The following GALNT17 variants were observed in gnomAD, a reference collection of about 807,000 sequenced individuals.
GALNT17 encodes polypeptide N-acetylgalactosaminyltransferase 17, also known as UDP-GalNAc:polypeptide N-acetylgalactosaminyltransferase-like 3.
Under a neutral mutation model 63.7 loss-of-function variants are expected in GALNT17, and 29 were observed. The ratio of observed to expected loss-of-function variants is 0.46; its 90% confidence interval spans 0.34 to 0.62. GALNT17 has a LOEUF of 0.62. Ranked by LOEUF, GALNT17 falls within the 20% of genes least tolerant of loss-of-function variation. The pLI is 0.01. For missense variants in GALNT17, 603 were observed against 799.6 expected (o/e 0.75, Z 2.97); for synonymous variants, 305 against 318.3 (o/e 0.96, Z 0.45).
intron 5 of GALNT17, among the ~76,000 whole-genome samples, chr7:71,512,045 A>C (rs1584015627): frequency 3.3e-5 from 4 of 120,834 alleles, no homozygotes; most frequent in Admixed American, 2.9e-4. Flanking sequence ...ACAGAGTTTC[A>C]CTCTTGTTAA....
chr7:71,616,714 TATA>T (rs1209023316), intron 6 of GALNT17, among the ~76,000 whole-genome samples: 1 of 110,764 alleles, frequency 9.0e-6, no homozygotes, highest in Non-Finnish European at 1.8e-5. Flanking sequence ...GATTGATGTA[TATA>T]ATATATAATT....
intron 3 of GALNT17, among the ~76,000 whole-genome samples, chr7:71,397,207 C>A (rs142805638): frequency 4.2e-4 from 64 of 152,116 alleles, no homozygotes; most frequent in African/African-American, 1.5e-3. Flanking sequence ...ACCCATATAC[C>A]TTCCTAAGGG....
chr7:71,675,638 G>T (rs1205599517), intron 8 of GALNT17, among the ~76,000 whole-genome samples: 1 of 151,682 alleles, frequency 6.6e-6, no homozygotes, highest in Non-Finnish European at 1.5e-5. Flanking sequence ...GAAAAAGAAA[G>T]AATTTAAAAA....
intron 2 of GALNT17, 134 bp downstream of exon 2, chr7:71,335,867 T>G: frequency 1.3e-6 from 1 of 754,930 alleles, no homozygotes; most frequent in East Asian, 3.2e-5. Flanking sequence ...CTTTAATAAA[T>G]AAACTTAGTA....
intron 1 of GALNT17, among the ~76,000 whole-genome samples, chr7:71,201,159 A>G (rs1789159478): frequency 6.6e-6 from 1 of 150,810 alleles, no homozygotes; most frequent in African/African-American, 2.4e-5. Context: ...GGCTTATTAA[A>G]GGAGTTCTGT....
At chr7:71,706,475 A>G (rs1791723704) in intron 9 of GALNT17, among the ~76,000 whole-genome samples, 1 of 152,212 alleles carries the variant, frequency 6.6e-6, no homozygotes, top group Admixed American at 6.5e-5. Flanking sequence ...CTGCTGGATA[A>G]TAGATTGATT....
At chr7:71,572,310 T>C (rs1225964148) in intron 6 of GALNT17, among the ~76,000 whole-genome samples, 1 of 151,030 alleles carries the variant, frequency 6.6e-6, no homozygotes, top group Admixed American at 6.6e-5. Context: ...AAAACCAGCC[T>C]GGGTGACATA....
chr7:71,222,464 G>C (rs1253510959), intron 1 of GALNT17, among the ~76,000 whole-genome samples: 1 of 151,820 alleles, frequency 6.6e-6, no homozygotes, highest in Admixed American at 6.6e-5. Flanking sequence ...GCTAATTTTT[G>C]TATTTTTAGT....
At chr7:71,311,138 C>T (rs1791407809) in intron 1 of GALNT17, among the ~76,000 whole-genome samples, 1 of 152,196 alleles carries the variant, frequency 6.6e-6, no homozygotes, top group African/African-American at 2.4e-5. Context: ...AGGAGAAGCT[C>T]CTTGACAATA....
At chr7:71,679,723 C>G (rs1584132139) in intron 9 of GALNT17, among the ~76,000 whole-genome samples, 1 of 151,868 alleles carries the variant, frequency 6.6e-6, no homozygotes. Flanking sequence ...CCTAAGGAGG[C>G]CTGCACCAAG....
chr7:71,235,700 C>T (rs62457807), intron 1 of GALNT17, among the ~76,000 whole-genome samples: 2,719 of 152,298 alleles, frequency 0.018, 38 homozygotes, highest in Middle Eastern at 0.027. Flanking sequence ...TTGCACCAAA[C>T]GAAAGCAAAC....
intron 6 of GALNT17, among the ~76,000 whole-genome samples, chr7:71,577,206 T>C (rs905364787): frequency 1.4e-4 from 22 of 152,126 alleles, no homozygotes; most frequent in African/African-American, 5.3e-4. Flanking sequence ...CACCAGGGAC[T>C]ACTAGAGTGG....
rs78723312 is a variant in GALNT17, at chr7:71,508,348, A to T, written c.963-62937A>T. On this transcript the variant is annotated intron_variant, in intron 5 of 10. Transcript: ENST00000333538. ...ATCTAAGCTTTGGCAGCTTGGAAAT[A>T]TTAGAGCAATTTGGCATCCAGATTC... Among the ~76,000 whole-genome samples, 47 of 152,330 alleles carry T rather than the reference A, an allele frequency of 3.1e-4. No individual in the cohort carries two copies. In the East Asian group the frequency reaches 8.9e-3, roughly 29 times the overall value.
chr7:71,333,132 T>G (rs1429307810), intron 1 of GALNT17, among the ~76,000 whole-genome samples: 1 of 152,208 alleles, frequency 6.6e-6, no homozygotes, highest in African/African-American at 2.4e-5. Flanking sequence ...GCTATACATA[T>G]TAACAGTCAC....
chr7:71,664,888 C>G (rs1236434919), intron 6 of GALNT17, among the ~76,000 whole-genome samples: 1 of 152,160 alleles, frequency 6.6e-6, no homozygotes, highest in Non-Finnish European at 1.5e-5. Flanking sequence ...AGAATTCTCC[C>G]AAGCCTCTTT....
rs186879889 is a variant in GALNT17, at chr7:71,254,488, C to T, written c.239-81062C>T. Among the ~76,000 whole-genome samples, 90 of 152,284 alleles carry T rather than the reference C, an allele frequency of 5.9e-4. 2 individuals carry two copies. Among genetic ancestry groups the T allele is most frequent in the Non-Finnish European group, 1.1e-3 (73 of 68,028 alleles). ...AAAATACTTGGATTTCTTTCAGGGC[C>T]TCCCATCTATCATGTTGGTATCTTA... On this transcript the variant is annotated intron_variant, in intron 1 of 10. Coordinates refer to ENST00000333538, the MANE Select transcript of GALNT17 (RefSeq NM_022479.3).
At chr7:71,599,663 T>C (rs551809498) in intron 6 of GALNT17, among the ~76,000 whole-genome samples, 93 of 151,904 alleles carry the variant, frequency 6.1e-4, no homozygotes, top group African/African-American at 2.1e-3. Context: ...TAGACATTGA[T>C]ATCTGGTGGG....
At chr7:71,260,225 T>C (rs977967638) in intron 1 of GALNT17, among the ~76,000 whole-genome samples, 1 of 152,038 alleles carries the variant, frequency 6.6e-6, no homozygotes, top group Non-Finnish European at 1.5e-5. Context: ...ATCATAGATA[T>C]TGTCAAGGAA....
chr7:71,377,103 AAAATAAAAAAAAT>A (rs1563047424), intron 2 of GALNT17, among the ~76,000 whole-genome samples: 8 of 62,990 alleles, frequency 1.3e-4, no homozygotes, highest in South Asian at 4.6e-4. Flanking sequence ...AAAAAAAATA[AAAATAAAAAAAAT>A]ATATATATAT....
Sources: gnomAD v4.1 joint callset for allele counts (sites outside exome capture counted in the v4.1 genomes callset) on GRCh38, gnomAD v4.1.1 for gene constraint, MANE v1.5 for transcripts, NCBI Gene and HGNC (gene_info 2026-07-23, HGNC 2026-07-21) for gene names.